The following PGM2L1 variants were observed in gnomAD, a reference collection of about 807,000 sequenced individuals.
PGM2L1 encodes the protein phosphoglucomutase 2 like 1.
Under a neutral mutation model 73.4 loss-of-function variants are expected in PGM2L1, and 35 were observed. That is an observed-to-expected ratio of 0.48 (90% CI 0.36 to 0.63). The LOEUF (loss-of-function observed/expected upper bound fraction) is 0.63, where lower values mean the gene tolerates loss of function less well. Ranked by LOEUF, PGM2L1 falls within the 30% of genes least tolerant of loss-of-function variation. PGM2L1 has a pLI of 0.00. For missense variants in PGM2L1, 570 were observed against 742.0 expected (o/e 0.77, Z 2.69); for synonymous variants, 225 against 253.8 (o/e 0.89, Z 1.08).
chr11:74,347,056 T>C, intron 7 of PGM2L1, 92 bp downstream of exon 7: 2 of 1,140,526 alleles, frequency 1.8e-6, no homozygotes, highest in Non-Finnish European at 2.4e-6. Flanking sequence ...CAGTCCTTTC[T>C]GCTTTTGTAA....
At chr11:74,376,555 A>C (rs1001718147) in intron 1 of PGM2L1, among the ~76,000 whole-genome samples, 16 of 151,338 alleles carry the variant, frequency 1.1e-4, no homozygotes, top group Admixed American at 3.3e-4. Context: ...ATGTATATAT[A>C]TCTAATGAGT....
Position 74,338,614 on chromosome 11 carries a change from G to T in PGM2L1, c.1633-13C>A. The stretch of plus-strand genomic sequence containing the variant: ...TCACAGGCAGCACCTATGCAAAATG[G>T]CAACAACAGCTTAATTATACTTGGC... On this transcript the variant is annotated splice_polypyrimidine_tract_variant and intron_variant, in intron 12 of 13. Transcript: ENST00000298198. The T allele has an allele frequency of 6.4e-7, 1 of 1,571,178 alleles. No homozygotes were observed. The highest frequency in any genetic ancestry group is 8.7e-7 in the Non-Finnish European group (1 of 1,150,344).
chr11:74,368,012 A>T (rs577039336), intron 5 of PGM2L1, among the ~76,000 whole-genome samples: 23 of 152,114 alleles, frequency 1.5e-4, no homozygotes, highest in African/African-American at 5.1e-4. Flanking sequence ...GCATTCTTCT[A>T]TTTCCCCTCC....
chr11:74,396,673 C>CA (rs998454023), intron 1 of PGM2L1, among the ~76,000 whole-genome samples: 4 of 152,188 alleles, frequency 2.6e-5, no homozygotes, highest in African/African-American at 9.6e-5. Context: ...CTCGGCCTCC[C>CA]AAAGTGCTGG....
At chr11:74,391,333 T>C (rs530709) in intron 1 of PGM2L1, among the ~76,000 whole-genome samples, 11,059 of 152,162 alleles carry the variant, frequency 0.073, 496 homozygotes, top group African/African-American at 0.13. Flanking sequence ...GCATAGATGC[T>C]GAATTCTTTT....
chr11:74,356,852 A>T (rs1862464938), intron 5 of PGM2L1, among the ~76,000 whole-genome samples: 1 of 151,332 alleles, frequency 6.6e-6, no homozygotes, highest in South Asian at 2.1e-4. Flanking sequence ...TTTTTTTTTC[A>T]GATGGAGTTT....
chr11:74,388,294 T>A (rs1209072798), intron 1 of PGM2L1, among the ~76,000 whole-genome samples: 1 of 150,830 alleles, frequency 6.6e-6, no homozygotes, highest in Non-Finnish European at 1.5e-5. Context: ...GTTAAGAGGG[T>A]AAATCTCATG....
At chr11:74,389,210 G>A (rs1863055477) in intron 1 of PGM2L1, among the ~76,000 whole-genome samples, 1 of 152,114 alleles carries the variant, frequency 6.6e-6, no homozygotes, top group Non-Finnish European at 1.5e-5. Context: ...AGTGAGCTAT[G>A]ATCACACTGC....
chr11:74,396,578 C>A (rs1370410222), intron 1 of PGM2L1, among the ~76,000 whole-genome samples: 1 of 152,132 alleles, frequency 6.6e-6, no homozygotes, highest in African/African-American at 2.4e-5. Flanking sequence ...CCGCGCCCGG[C>A]TAATTTTTTG....
At position 74,347,241 on chromosome 11, in the gene PGM2L1, A is replaced by C. The variant is rs778199389; in HGVS notation, c.846T>G (p.Phe282Leu). 1.9e-6 allele frequency: 3 copies of C among 1,613,376 alleles called. No homozygotes were observed. In the Admixed American group the frequency reaches 5.0e-5, roughly 27 times the overall value. Reference sequence around the variant, plus strand: ...GTTCTGGTACTGGAATTGGAGGCTTAAAACCAAACACTTTAAAAGCCAACT... The same window carrying C: ...GTTCTGGTACTGGAATTGGAGGCTTCAAACCAAACACTTTAAAAGCCAACT... ...YVQLAFKVFG[F>L]KPPIPVPEQK... The change falls in exon 7 of 14, where the codon TTT becomes TTG. Residue 282 changes from phenylalanine to leucine, a missense_variant. Phe to Leu is a conservative substitution (Grantham distance 22, BLOSUM62 0). Transcript: ENST00000298198.
chr11:74,382,622 C>T (rs1260772968), intron 1 of PGM2L1, among the ~76,000 whole-genome samples: 1 of 152,140 alleles, frequency 6.6e-6, no homozygotes, highest in Non-Finnish European at 1.5e-5. Context: ...CCTCAGCCTC[C>T]CAAGTAACTG....
chr11:74,338,665 A>G, intron 12 of PGM2L1, 64 bp from the exon 13 acceptor site: 1 of 1,502,050 alleles, frequency 6.7e-7, no homozygotes, highest in Non-Finnish European at 9.0e-7. Flanking sequence ...TTTCATTTTC[A>G]AGAATTGTAA....
intron 7 of PGM2L1, 86 bp downstream of exon 7, chr11:74,347,062 T>C: frequency 8.6e-7 from 1 of 1,169,194 alleles, no homozygotes; most frequent in Non-Finnish European, 1.2e-6. Context: ...TTTCTGCTTT[T>C]GTAAGTAATC....
At chr11:74,366,846 G>A (rs1263929034) in intron 5 of PGM2L1, among the ~76,000 whole-genome samples, 1 of 152,126 alleles carries the variant, frequency 6.6e-6, no homozygotes, top group Non-Finnish European at 1.5e-5. Context: ...AAAAGAATAA[G>A]AAGCCACTGA....
intron 12 of PGM2L1, among the ~76,000 whole-genome samples, chr11:74,340,271 A>G (rs1862163455): frequency 6.6e-6 from 1 of 152,228 alleles, no homozygotes; most frequent in Non-Finnish European, 1.5e-5. Context: ...CACCCTGAAT[A>G]ATGAATATTA....
chr11:74,342,768 T>C (rs1862202477), intron 11 of PGM2L1, 117 bp downstream of exon 11: 2 of 1,382,114 alleles, frequency 1.4e-6, no homozygotes, highest in Admixed American at 2.5e-5. Flanking sequence ...TTAATTCACA[T>C]AATTTTAATA....
intron 7 of PGM2L1, 96 bp from the exon 8 acceptor site, chr11:74,346,925 T>C: frequency 9.3e-7 from 1 of 1,078,278 alleles, no homozygotes; most frequent in Non-Finnish European, 1.4e-6. Context: ...ATAGGAATTT[T>C]AGAAGGCATA....
intron 1 of PGM2L1, among the ~76,000 whole-genome samples, chr11:74,397,127 C>A (rs1305097979): frequency 6.6e-6 from 1 of 152,224 alleles, no homozygotes; most frequent in African/African-American, 2.4e-5. Flanking sequence ...TACTACCATA[C>A]AAATTCCTTA....
intron 1 of PGM2L1, among the ~76,000 whole-genome samples, chr11:74,386,623 A>G (rs1054276841): frequency 6.6e-6 from 1 of 151,976 alleles, no homozygotes; most frequent in Non-Finnish European, 1.5e-5. Context: ...CTATAGGCAC[A>G]TGCCACCATG....
Sources: gnomAD v4.1 joint callset for allele counts (sites outside exome capture counted in the v4.1 genomes callset) on GRCh38, gnomAD v4.1.1 for gene constraint, MANE v1.5 for transcripts, NCBI Gene and HGNC (gene_info 2026-07-23, HGNC 2026-07-21) for gene names.